Variants in WIPF1 observed in about 807,000 individuals in gnomAD.
The protein encoded by WIPF1 is WAS/WASL-interacting protein family member 1.
A neutral mutation model predicts 35.4 loss-of-function variants in WIPF1; 13 were observed. The observed-to-expected ratio is 0.37, with a 90% CI of 0.24 to 0.58. The LOEUF is 0.58. Ranked by LOEUF, WIPF1 falls within the 20% of genes least tolerant of loss-of-function variation. WIPF1 has a pLI of 0.74. For missense variants in WIPF1, 591 were observed against 667.0 expected, an observed-to-expected ratio of 0.89 and a Z score of 1.25; for synonymous variants, 267 against 266.3, an observed-to-expected ratio of 1.00 and a Z score of -0.02.
chr2:174,681,498 AT>A (rs1688244378), intron 1 of WIPF1, among the ~76,000 whole-genome samples: 1 of 152,260 alleles, frequency 6.6e-6, no homozygotes, highest in Non-Finnish European at 1.5e-5. Flanking sequence ...TATTTTATCC[AT>A]TACAAAAATA....
chr2:174,662,422 C>T (rs904615073), intron 1 of WIPF1, among the ~76,000 whole-genome samples: 3 of 152,292 alleles, frequency 2.0e-5, no homozygotes, highest in Admixed American at 1.3e-4. Flanking sequence ...AGACTGTTAG[C>T]CTCTAGAGGA....
chr2:174,578,480 T>A (rs1277501338), intron 3 of WIPF1, among the ~76,000 whole-genome samples: 1 of 152,246 alleles, frequency 6.6e-6, no homozygotes, highest in Non-Finnish European at 1.5e-5. Flanking sequence ...AAAGTTTTTA[T>A]CTTTTCCCTT....
At chr2:174,564,770 G>A (rs929377481) in intron 7 of WIPF1, among the ~76,000 whole-genome samples, 36 of 149,850 alleles carry the variant, frequency 2.4e-4, no homozygotes, top group African/African-American at 8.8e-4. Context: ...TGCCCAAGAA[G>A]GAAGAAGGGC....
At chr2:174,573,271 G>GAAAAA (rs5836465) in intron 4 of WIPF1, among the ~76,000 whole-genome samples, 12 of 138,444 alleles carry the variant, frequency 8.7e-5, no homozygotes, top group Admixed American at 1.4e-4. Flanking sequence ...AGGTAATTCT[G>GAAAAA]AAAAAAAAAA....
chr2:174,669,975 G>A (rs1384533967), intron 1 of WIPF1, among the ~76,000 whole-genome samples: 1 of 152,212 alleles, frequency 6.6e-6, no homozygotes. Context: ...GAATTAAGAT[G>A]TAGGACATGA....
intron 1 of WIPF1, among the ~76,000 whole-genome samples, chr2:174,677,484 A>C (rs1290024811): frequency 6.6e-6 from 1 of 152,244 alleles, no homozygotes; most frequent in Non-Finnish European, 1.5e-5. Flanking sequence ...ATTTCAAGCC[A>C]CATGTGAAGC....
chr2:174,577,341 T>A (rs1685092070), intron 3 of WIPF1, among the ~76,000 whole-genome samples: 2 of 152,224 alleles, frequency 1.3e-5, no homozygotes, highest in Non-Finnish European at 2.9e-5. Flanking sequence ...CTGTTTTATA[T>A]AAGTAATTAC....
At chr2:174,592,973 T>C (rs949753953) in intron 1 of WIPF1, among the ~76,000 whole-genome samples, 1 of 152,220 alleles carries the variant, frequency 6.6e-6, no homozygotes, top group African/African-American at 2.4e-5. Flanking sequence ...TTGAGTGCTT[T>C]TGGCATCTTC....
At position 174,572,431 on chromosome 2, in the gene WIPF1, C is replaced by T. The variant is rs747543329; in HGVS notation, c.374G>A (p.Arg125Gln). ...ANRDNDSGGS[R>Q]PPLLPPGGRS... The stretch of plus-strand genomic sequence containing the variant: ...TCCTCCCGGTGGCAACAATGGTGGT[C>T]GGCTTCCTCCAGAATCTGAAGAACA... The change falls in exon 5 of 8, where the codon CGA becomes CAA. Residue 125 changes from arginine to glutamine, a missense_variant. By Grantham distance (43) the Arg-to-Gln change is conservative. Around this residue, in one of 3 missense-constraint regions of WIPF1, gnomAD observed 471 missense variants for 501.1 expected, o/e 0.94. Coordinates refer to ENST00000679041, the MANE Select transcript of WIPF1 (RefSeq NM_001375834.1). 4.9e-5 allele frequency: 79 copies of T among 1,613,922 alleles called. No individual in the cohort carries two copies. The highest frequency in any genetic ancestry group is 6.6e-5 in the Non-Finnish European group (78 of 1,180,012).
chr2:174,565,626 G>A (rs1046930266), intron 7 of WIPF1, among the ~76,000 whole-genome samples: 14 of 152,084 alleles, frequency 9.2e-5, no homozygotes, highest in East Asian at 1.9e-4. Flanking sequence ...TCTCCTATAA[G>A]GTTTGGAACC....
chr2:174,642,326 T>C (rs973021045), intron 1 of WIPF1, among the ~76,000 whole-genome samples: 8 of 151,178 alleles, frequency 5.3e-5, no homozygotes, highest in Admixed American at 1.3e-4. Flanking sequence ...TTTATCTTCA[T>C]TACTTCCTTC....
chr2:174,637,494 A>T (rs1687207972), intron 1 of WIPF1, among the ~76,000 whole-genome samples: 1 of 152,262 alleles, frequency 6.6e-6, no homozygotes, highest in Admixed American at 6.5e-5. Flanking sequence ...GGCCTCTACC[A>T]GCTGCAAAAC....
At chr2:174,635,527 T>C (rs1419583417) in intron 1 of WIPF1, among the ~76,000 whole-genome samples, 1 of 138,748 alleles carries the variant, frequency 7.2e-6, no homozygotes, top group Non-Finnish European at 1.5e-5. Flanking sequence ...TGCCTTCTGT[T>C]TGTTTTTTTT....
At chr2:174,680,146 A>G (rs1688217957) in intron 1 of WIPF1, among the ~76,000 whole-genome samples, 1 of 152,184 alleles carries the variant, frequency 6.6e-6, no homozygotes. Flanking sequence ...GTTTGAAACC[A>G]TGTCTCATCT....
intron 1 of WIPF1, among the ~76,000 whole-genome samples, chr2:174,660,939 TGCTGGAAAGCACCTGACGGAG>T (rs1240367289): frequency 6.6e-6 from 1 of 152,190 alleles, no homozygotes; most frequent in Non-Finnish European, 1.5e-5. Context: ...CTAGGGCTGG[TGCTGGAAAGCACCTGACGGAG>T]GCTGGAACTG....
chr2:174,674,919 CA>C, intron 1 of WIPF1, among the ~76,000 whole-genome samples: 1 of 147,800 alleles, frequency 6.8e-6, no homozygotes, highest in African/African-American at 2.6e-5. Context: ...CACACACACA[CA>C]CACACACACA....
rs558393406 is a variant in WIPF1, at chr2:174,560,087, A to G, written c.*2460T>C. The G allele has an allele frequency of 5.2e-5, 8 of 152,764 alleles. No homozygotes were observed. In the South Asian group the frequency reaches 1.7e-3, roughly 32 times the overall value. The allele number at this position is 152,764 out of a possible 1,614,324, so 9.5% of individuals were successfully genotyped here. On this transcript the variant is annotated 3_prime_UTR_variant, in exon 8 of 8. Coordinates refer to ENST00000679041, the MANE Select transcript of WIPF1 (RefSeq NM_001375834.1). ...ATTACATGTTGAATACATTTATCTGAAAATGTTATAAAAAAACACACATGT... is the reference window on the plus strand; with the variant it reads ...ATTACATGTTGAATACATTTATCTGGAAATGTTATAAAAAAACACACATGT...
At chr2:174,632,955 GTACAAGAGGCCTTCC>G (rs1238169442) in intron 1 of WIPF1, among the ~76,000 whole-genome samples, 28 of 152,228 alleles carry the variant, frequency 1.8e-4, no homozygotes, top group Middle Eastern at 3.4e-3. Flanking sequence ...GCAGTACCAG[GTACAAGAGGCCTTCC>G]TACTGCAGTT....
intron 1 of WIPF1, among the ~76,000 whole-genome samples, chr2:174,626,972 T>C (rs1686856637): frequency 6.6e-6 from 1 of 152,214 alleles, no homozygotes; most frequent in Admixed American, 6.5e-5. Flanking sequence ...ATGACCAACA[T>C]GGCCCTCCAG....
Sources: gnomAD v4.1 joint callset for allele counts (sites outside exome capture counted in the v4.1 genomes callset) on GRCh38, gnomAD v4.1.1 for gene constraint, gnomAD v4.1.1 regional missense constraint, MANE v1.5 for transcripts, NCBI Gene and HGNC (gene_info 2026-07-23, HGNC 2026-07-21) for gene names.